Variants in LPP observed in about 807,000 individuals in gnomAD.
The protein encoded by LPP is LIM domain containing preferred translocation partner in lipoma.
Under a neutral mutation model 60.4 loss-of-function variants are expected in LPP, and 38 were observed. The ratio of observed to expected loss-of-function variants is 0.63; its 90% CI spans 0.49 to 0.83. The LOEUF (loss-of-function observed/expected upper bound fraction) is 0.83, where lower values mean the gene tolerates loss of function less well. LPP is among the 40% of genes least tolerant of loss of function. The pLI, the probability that LPP is intolerant of heterozygous loss-of-function variation, is 0.00. For synonymous variants in LPP, 328 were observed against 290.8 expected (o/e 1.13, Z -1.30); for missense variants, 902 against 783.6 (o/e 1.15, Z -1.80).
chr3:188,885,395 C>T lies in LPP; in HGVS notation c.*10916C>T, dbSNP rs1438225194. On this transcript the variant is annotated 3_prime_UTR_variant, in exon 12 of 12. Coordinates refer to ENST00000617246, the MANE Select transcript of LPP (RefSeq NM_001375462.1). ...ATAGCAAATGACTTCTCACCCCTTC[C>T]TAGTCCTCATGCCTGAGGAATAAGG... 5.2e-6 allele frequency: 1 copy of T among 193,414 alleles called. No individual in the cohort carries two copies. The highest frequency in any genetic ancestry group is 1.1e-5 in the Non-Finnish European group (1 of 92,630). 12.0% of individuals were successfully genotyped at this position (193,414 alleles called of 1,614,324 possible). A position where few individuals can be genotyped will look rare whatever the true frequency, so the allele number is the denominator to read the frequency against.
intron 8 of LPP, chr3:188,708,670 C>A (rs896406432): frequency 1.9e-6 from 1 of 520,722 alleles, no homozygotes. Flanking sequence ...CCAGTCTAGG[C>A]AACATGGGGA....
intron 4 of LPP, among the ~76,000 whole-genome samples, chr3:188,446,789 G>A (rs1442070533): frequency 2.6e-5 from 4 of 152,152 alleles, no homozygotes; most frequent in Non-Finnish European, 4.4e-5. Context: ...TGATTGGACC[G>A]TGATTGTTTT....
At chr3:188,840,684 T>C (rs1263890296) in intron 9 of LPP, among the ~76,000 whole-genome samples, 1 of 152,124 alleles carries the variant, frequency 6.6e-6, no homozygotes, top group Admixed American at 6.5e-5. Flanking sequence ...TAATTTTATA[T>C]AGATGGGATC....
chr3:188,596,504 T>C (rs1051527545), intron 6 of LPP, among the ~76,000 whole-genome samples: 5 of 152,104 alleles, frequency 3.3e-5, no homozygotes, highest in African/African-American at 1.2e-4. Context: ...GAAGAACAAA[T>C]ACGTTAGAAG....
intron 9 of LPP, among the ~76,000 whole-genome samples, chr3:188,814,338 A>G (rs1265800806): frequency 6.6e-6 from 1 of 152,212 alleles, no homozygotes; most frequent in African/African-American, 2.4e-5. Context: ...TCTCTTCACC[A>G]GTCTCCTTAT....
chr3:188,381,618 G>T (rs1033809033), intron 3 of LPP, among the ~76,000 whole-genome samples: 2 of 152,192 alleles, frequency 1.3e-5, no homozygotes, highest in African/African-American at 2.4e-5. Context: ...ACTGGATTGT[G>T]TCATTCATTG....
intron 2 of LPP, among the ~76,000 whole-genome samples, chr3:188,252,212 T>A (rs1461925778): frequency 1.1e-4 from 15 of 142,120 alleles, no homozygotes; most frequent in African/African-American, 3.6e-4. Flanking sequence ...TATATGTTTT[T>A]ATATTTCCTC....
intron 4 of LPP, among the ~76,000 whole-genome samples, chr3:188,433,991 ACTT>A (rs1028667987): frequency 2.0e-5 from 3 of 152,110 alleles, no homozygotes; most frequent in African/African-American, 7.2e-5. Context: ...TGGTAGTATA[ACTT>A]CATCGTGTCC....
At chr3:188,174,839 CT>C (rs1173046525) in intron 1 of LPP, among the ~76,000 whole-genome samples, 2 of 152,184 alleles carry the variant, frequency 1.3e-5, no homozygotes, top group African/African-American at 4.8e-5. Context: ...CCCATCCCCC[CT>C]AAGCAGGAAA....
intron 7 of LPP, among the ~76,000 whole-genome samples, chr3:188,695,909 G>A (rs1272240107): frequency 6.6e-6 from 1 of 152,154 alleles, no homozygotes; most frequent in African/African-American, 2.4e-5. Context: ...TAAATTAGTG[G>A]AAAAACACTA....
chr3:188,205,235 A>G (rs188765025), intron 1 of LPP, among the ~76,000 whole-genome samples: 25 of 151,148 alleles, frequency 1.7e-4, no homozygotes, highest in African/African-American at 5.3e-4. Flanking sequence ...TAACTTGCTT[A>G]TAACTTGCTT....
intron 6 of LPP, among the ~76,000 whole-genome samples, chr3:188,599,751 G>GGGGTGTGTGT (rs374294307): frequency 0.012 from 1,735 of 139,902 alleles, 20 homozygotes; most frequent in South Asian, 0.03. Flanking sequence ...ACTCGTTAGG[G>GGGGTGTGTGT]GTGTGTGTGT....
intron 6 of LPP, among the ~76,000 whole-genome samples, chr3:188,575,441 G>A (rs529811907): frequency 2.6e-5 from 4 of 152,180 alleles, no homozygotes; most frequent in Non-Finnish European, 5.9e-5. Context: ...ACAAGAACAG[G>A]TTCCATTATT....
intron 3 of LPP, among the ~76,000 whole-genome samples, chr3:188,379,524 C>G (rs946296469): frequency 6.6e-6 from 1 of 151,850 alleles, no homozygotes; most frequent in Non-Finnish European, 1.5e-5. Context: ...CAAACAAAAC[C>G]AAAACAACAA....
intron 4 of LPP, among the ~76,000 whole-genome samples, chr3:188,447,780 G>GA (rs562631519): frequency 2.7e-4 from 39 of 145,980 alleles, no homozygotes; most frequent in Admixed American, 1.1e-3. Context: ...CATCTTAGAA[G>GA]AAAAAAAAAA....
chr3:188,366,157 T>G (rs569055717), intron 3 of LPP, among the ~76,000 whole-genome samples: 1 of 152,374 alleles, frequency 6.6e-6, no homozygotes, highest in East Asian at 1.9e-4. Context: ...GTGCCTGGCT[T>G]AGTTCCTTAA....
chr3:188,436,380 T>A (rs1792305094), intron 4 of LPP, among the ~76,000 whole-genome samples: 1 of 152,232 alleles, frequency 6.6e-6, no homozygotes, highest in Non-Finnish European at 1.5e-5. Flanking sequence ...GCTTAGGGTG[T>A]CAACATCAGA....
chr3:188,547,344 T>C (rs1332933747), intron 6 of LPP, among the ~76,000 whole-genome samples: 1 of 152,186 alleles, frequency 6.6e-6, no homozygotes, highest in Non-Finnish European at 1.5e-5. Flanking sequence ...TCCCTCTATT[T>C]ATCCTCAGTG....
At chr3:188,497,669 G>C (rs1357765087) in intron 5 of LPP, among the ~76,000 whole-genome samples, 1 of 152,094 alleles carries the variant, frequency 6.6e-6, no homozygotes, top group Admixed American at 6.5e-5. Context: ...ATGGAGAGAT[G>C]ATCAAACAAT....
Sources: gnomAD v4.1 joint callset for allele counts (sites outside exome capture counted in the v4.1 genomes callset) on GRCh38, gnomAD v4.1.1 for gene constraint, MANE v1.5 for transcripts, NCBI Gene and HGNC (gene_info 2026-07-23, HGNC 2026-07-21) for gene names.